The following DLGAP2 variants were observed in gnomAD, a reference collection of about 807,000 sequenced individuals.
DLGAP2 encodes the protein disks large-associated protein 2.
In DLGAP2, 26 loss-of-function variants were observed where a neutral mutation model predicts 100.3. The observed-to-expected ratio is 0.26, with a 90% CI of 0.19 to 0.36. The LOEUF (loss-of-function observed/expected upper bound fraction) is 0.36, where lower values mean the gene tolerates loss of function less well. DLGAP2 is among the 10% of genes least tolerant of loss of function. DLGAP2 has a pLI of 1.00. For synonymous variants in DLGAP2, 886 were observed against 630.1 expected (o/e 1.41, Z -6.08); for missense variants, 1,858 against 1,453.2 (o/e 1.28, Z -4.53).
intron 3 of DLGAP2, among the ~76,000 whole-genome samples, chr8:1,317,476 C>G (rs1330552605): frequency 4.2e-5 from 6 of 142,258 alleles, no homozygotes; most frequent in African/African-American, 8.4e-5. Context: ...TGCAGCGTCT[C>G]TCCAACAGTG....
chr8:1,042,541 C>T (rs1358932550), intron 2 of DLGAP2, among the ~76,000 whole-genome samples: 1 of 152,134 alleles, frequency 6.6e-6, no homozygotes, highest in Non-Finnish European at 1.5e-5. Flanking sequence ...TGAAGCGTAG[C>T]CCAGGAAAGC....
chr8:913,407 G>A lies in DLGAP2; in HGVS notation c.73+5441G>A, dbSNP rs372495698. Reference sequence around the variant, plus strand: ...TGGCCAAGTTTGCATTCTCTCCTACGGGCCTGTCTCAAAGGACAACAGTTT... The same window carrying A: ...TGGCCAAGTTTGCATTCTCTCCTACAGGCCTGTCTCAAAGGACAACAGTTT... On this transcript the variant is annotated intron_variant, in intron 2 of 14. Transcript: ENST00000637795. Among the ~76,000 whole-genome samples the A allele has an allele frequency of 4.6e-5, 7 of 152,284 alleles. No homozygotes were observed. The South Asian group carries it at 1.5e-3, about 32-fold the overall frequency.
chr8:1,209,883 C>T (rs62486895), intron 2 of DLGAP2, among the ~76,000 whole-genome samples: 22,930 of 152,182 alleles, frequency 0.15, 2,038 homozygotes, highest in Admixed American at 0.21. Context: ...CCTACCCCCT[C>T]GTAATCCCAC....
chr8:860,168 C>T (rs561506329), intron 1 of DLGAP2, among the ~76,000 whole-genome samples: 12 of 152,212 alleles, frequency 7.9e-5, no homozygotes, highest in Admixed American at 2.0e-4. Context: ...AGGAGCTTTC[C>T]GTACTTCTTG....
chr8:952,594 G>A (rs977467974), intron 2 of DLGAP2, among the ~76,000 whole-genome samples: 6 of 152,010 alleles, frequency 3.9e-5, no homozygotes, highest in South Asian at 2.1e-4. Flanking sequence ...CTGAGATCAC[G>A]CCACTGTACT....
chr8:1,578,647 G>A (rs1370470600), intron 6 of DLGAP2, among the ~76,000 whole-genome samples: 1 of 152,080 alleles, frequency 6.6e-6, no homozygotes, highest in Non-Finnish European at 1.5e-5. Context: ...GTAAAACTGA[G>A]AAAAAATCAG....
chr8:1,097,572 C>A (rs1804423335), intron 2 of DLGAP2, among the ~76,000 whole-genome samples: 1 of 138,818 alleles, frequency 7.2e-6, no homozygotes, highest in Non-Finnish European at 1.5e-5. Context: ...GAGCCCGGGG[C>A]AGGCCTTCAC....
chr8:1,075,327 G>T (rs777367992), intron 2 of DLGAP2, among the ~76,000 whole-genome samples: 1 of 152,156 alleles, frequency 6.6e-6, no homozygotes, highest in East Asian at 1.9e-4. Flanking sequence ...GATGCGGATT[G>T]AGGCGTGCAT....
intron 2 of DLGAP2, among the ~76,000 whole-genome samples, chr8:1,190,539 C>T (rs541558721): frequency 1.9e-4 from 29 of 152,286 alleles, no homozygotes; most frequent in South Asian, 1.9e-3. Context: ...CGCCTCTGGC[C>T]GCCCCGTCCT....
At chr8:1,515,542 A>ATGC (rs1800340592) in intron 4 of DLGAP2, among the ~76,000 whole-genome samples, 1 of 152,234 alleles carries the variant, frequency 6.6e-6, no homozygotes, top group Non-Finnish European at 1.5e-5. Flanking sequence ...ACACATGCAG[A>ATGC]TGCACACAAA....
chr8:1,595,182 A>C (rs1215232511), intron 6 of DLGAP2, among the ~76,000 whole-genome samples: 1 of 152,042 alleles, frequency 6.6e-6, no homozygotes, highest in South Asian at 2.1e-4. Flanking sequence ...CTGGTATTAC[A>C]GGCACCTGCC....
At chr8:985,766 C>A (rs1800468172) in intron 2 of DLGAP2, among the ~76,000 whole-genome samples, 1 of 152,096 alleles carries the variant, frequency 6.6e-6, no homozygotes, top group African/African-American at 2.4e-5. Context: ...TTATCTTTGG[C>A]CTTTTGATCC....
chr8:1,255,934 C>T (rs1203852569), intron 2 of DLGAP2, among the ~76,000 whole-genome samples: 14 of 129,846 alleles, frequency 1.1e-4, no homozygotes, highest in South Asian at 2.6e-4. Flanking sequence ...TGTGTGTGTC[C>T]TCTCCTGCCT....
chr8:1,482,638 C>T (rs913688737), intron 3 of DLGAP2, among the ~76,000 whole-genome samples: 5 of 152,238 alleles, frequency 3.3e-5, no homozygotes, highest in Admixed American at 6.5e-5. Flanking sequence ...TTCTCCCGCC[C>T]CCTCCCCACG....
chr8:1,380,538 G>A (rs977462861), intron 3 of DLGAP2, among the ~76,000 whole-genome samples: 2 of 152,136 alleles, frequency 1.3e-5, no homozygotes, highest in African/African-American at 2.4e-5. Flanking sequence ...CTGAGAAAGT[G>A]TGCGGGCCTT....
In DLGAP2 at chr8:1,188,443, ACGTTTCCCT is replaced by A. The variant is rs1387870298; in HGVS notation, c.74-70406_74-70398del. 1.6e-3 allele frequency among the ~76,000 whole-genome samples: 202 copies of A among 128,344 alleles called. 13 individuals are homozygous for A. The highest frequency in any genetic ancestry group is 7.3e-3 in the African/African-American group (193 of 26,498). The allele number at this position is 128,344 out of a possible 152,430, so 84.2% of individuals were successfully genotyped here. On this transcript the variant is annotated intron_variant, in intron 2 of 14. Coordinates refer to ENST00000637795, the MANE Select transcript of DLGAP2 (RefSeq NM_001346810.2). ...ATCGCGCACGCCCGGGACCTCCGTG[ACGTTTCCCT>A]CACGGAATCTCGCACGCCCGGGACT...
In DLGAP2 at chr8:1,483,416, G is replaced by T. The variant is rs147415846; in HGVS notation, c.107-17950G>T. ...GAGCACACCTGCTGTTGGCTTGACG[G>T]ACCCAGAAGCTGAACTGCTGTGTAA... On this transcript the variant is annotated intron_variant, in intron 3 of 14. Coordinates refer to ENST00000637795, the MANE Select transcript of DLGAP2 (RefSeq NM_001346810.2). Among the ~76,000 whole-genome samples, 382 of 152,254 alleles carry T rather than the reference G, an allele frequency of 2.5e-3. 1 individual carries two copies. The highest frequency in any genetic ancestry group is 8.8e-3 in the African/African-American group (364 of 41,534).
intron 8 of DLGAP2, among the ~76,000 whole-genome samples, chr8:1,667,398 T>C (rs4546686): frequency 0.25 from 38,253 of 151,900 alleles, 7,509 homozygotes; most frequent in African/African-American, 0.53. Flanking sequence ...AACTCGAGTT[T>C]GGGAGGAGAC....
chr8:1,184,509 C>G (rs1797458375), intron 2 of DLGAP2, among the ~76,000 whole-genome samples: 1 of 152,192 alleles, frequency 6.6e-6, no homozygotes, highest in Admixed American at 6.5e-5. Context: ...GGTGCACGCG[C>G]TGTTCTCAGG....
Sources: gnomAD v4.1 joint callset for allele counts (sites outside exome capture counted in the v4.1 genomes callset) on GRCh38, gnomAD v4.1.1 for gene constraint, MANE v1.5 for transcripts, NCBI Gene and HGNC (gene_info 2026-07-23, HGNC 2026-07-21) for gene names.